FSHR: variants seen among roughly 807,000 people sequenced by gnomAD.
FSHR encodes the protein follicle stimulating hormone receptor.
Under a neutral mutation model 52.1 loss-of-function variants are expected in FSHR, and 46 were observed. The ratio of observed to expected loss-of-function variants is 0.88; its 90% CI spans 0.70 to 1.13. The LOEUF (loss-of-function observed/expected upper bound fraction) is 1.13, where lower values mean the gene tolerates loss of function less well. Ranked by LOEUF, FSHR falls within the 50% of genes most tolerant of loss-of-function variation. The pLI, the probability that FSHR is intolerant of heterozygous loss-of-function variation, is 0.00. For synonymous variants in FSHR, 399 were observed against 309.6 expected (o/e 1.29, Z -3.03); for missense variants, 964 against 834.6 (o/e 1.16, Z -1.91).
At chr2:49,100,715 C>T (rs1013191717) in intron 1 of FSHR, among the ~76,000 whole-genome samples, 5 of 152,176 alleles carry the variant, frequency 3.3e-5, no homozygotes, top group Admixed American at 3.3e-4. Flanking sequence ...TACAGCCGGG[C>T]CTTTTGTTAT....
chr2:49,133,722 T>G (rs1672381253), intron 1 of FSHR, among the ~76,000 whole-genome samples: 1 of 152,048 alleles, frequency 6.6e-6, no homozygotes, highest in Admixed American at 6.5e-5. Context: ...AAAACAGAGA[T>G]ATAGACCAAT....
At chr2:49,123,778 G>C (rs1047525037) in intron 1 of FSHR, among the ~76,000 whole-genome samples, 2 of 152,106 alleles carry the variant, frequency 1.3e-5, no homozygotes, top group Non-Finnish European at 2.9e-5. Flanking sequence ...CACTGGGAGA[G>C]GACAAAGCAA....
intron 2 of FSHR, among the ~76,000 whole-genome samples, chr2:49,058,017 G>A (rs568828365): frequency 5.9e-5 from 9 of 152,178 alleles, no homozygotes; most frequent in South Asian, 2.1e-4. Flanking sequence ...GGAAAGTACC[G>A]CAACTCAATA....
At chr2:49,061,062 G>C (rs1669270341) in intron 2 of FSHR, among the ~76,000 whole-genome samples, 1 of 152,090 alleles carries the variant, frequency 6.6e-6, no homozygotes, top group Non-Finnish European at 1.5e-5. Flanking sequence ...GATCAAGGTA[G>C]TACTGTACCT....
At chr2:48,973,683 C>A (rs867377587) in intron 8 of FSHR, among the ~76,000 whole-genome samples, 4 of 152,340 alleles carry the variant, frequency 2.6e-5, no homozygotes, top group African/African-American at 9.6e-5. Flanking sequence ...ATAAGGCTCT[C>A]GCATTCTCAG....
At chr2:49,066,107 G>C (rs1029573122) in intron 2 of FSHR, among the ~76,000 whole-genome samples, 1 of 152,106 alleles carries the variant, frequency 6.6e-6, no homozygotes, top group African/African-American at 2.4e-5. Context: ...GAAAAGAAAG[G>C]ATAGAGAGGC....
At chr2:49,011,367 A>T (rs1667264939) in intron 4 of FSHR, among the ~76,000 whole-genome samples, 1 of 151,974 alleles carries the variant, frequency 6.6e-6, no homozygotes, top group African/African-American at 2.4e-5. Context: ...CCTGAGTTCT[A>T]GTTTGATTGC....
intron 4 of FSHR, among the ~76,000 whole-genome samples, chr2:48,992,045 T>G (rs1305624972): frequency 6.6e-6 from 1 of 152,096 alleles, no homozygotes; most frequent in Admixed American, 6.5e-5. Flanking sequence ...CCTCTCTTGA[T>G]TCCCTAATGT....
intron 2 of FSHR, among the ~76,000 whole-genome samples, chr2:49,051,958 G>A (rs75926513): frequency 0.036 from 5,483 of 151,978 alleles, 260 homozygotes; most frequent in African/African-American, 0.11. Context: ...TATTCTTTCC[G>A]TATTGAATTC....
chr2:48,997,682 C>T lies in FSHR; in HGVS notation c.375-7045G>A, dbSNP rs1676085065. ...TTAGCCCCGTGACCAGGAATTGTTACTGCTGTGGTCATGCTCCAGCCTTGT... is the reference window on the plus strand; with the variant it reads ...TTAGCCCCGTGACCAGGAATTGTTATTGCTGTGGTCATGCTCCAGCCTTGT... On this transcript the variant is annotated intron_variant, in intron 4 of 9. Transcript: ENST00000406846. Among the ~76,000 whole-genome samples, 3 of 152,228 alleles carry T rather than the reference C, an allele frequency of 2.0e-5. No individual in the cohort carries two copies. In the East Asian group the frequency reaches 5.8e-4, roughly 29 times the overall value.
intron 1 of FSHR, among the ~76,000 whole-genome samples, chr2:49,140,460 C>T (rs966268766): frequency 1.3e-5 from 2 of 152,206 alleles, no homozygotes; most frequent in Non-Finnish European, 2.9e-5. Flanking sequence ...GCCTGCTGAA[C>T]TATGAGCCAA....
intron 2 of FSHR, among the ~76,000 whole-genome samples, chr2:49,049,867 A>G (rs943521838): frequency 1.3e-5 from 2 of 150,932 alleles, no homozygotes; most frequent in Admixed American, 6.6e-5. Flanking sequence ...AACCAAACCC[A>G]AATAAAAGAA....
Position 49,068,199 on chromosome 2 carries a change from C to T in FSHR, c.224+20G>A. 1 of 1,597,838 alleles carries T rather than the reference C, an allele frequency of 6.3e-7. No individual in the cohort carries two copies. Among genetic ancestry groups the T allele is most frequent in the Non-Finnish European group, 8.6e-7 (1 of 1,167,422 alleles). On this transcript the variant is annotated intron_variant, in intron 2 of 9. Transcript: ENST00000406846. ...ATAGCCCCCTTGAGGCATTCACTCA[C>T]AGCAGTGCTAGGTACATACATTTTC...
intron 2 of FSHR, among the ~76,000 whole-genome samples, chr2:49,044,652 C>G (rs1444261126): frequency 6.6e-6 from 1 of 151,996 alleles, no homozygotes; most frequent in Non-Finnish European, 1.5e-5. Context: ...TTTCCCCCAT[C>G]CCCCTCCCCC....
chr2:49,117,717 A>G (rs1443978224), intron 1 of FSHR, among the ~76,000 whole-genome samples: 3 of 151,952 alleles, frequency 2.0e-5, no homozygotes, highest in African/African-American at 7.3e-5. Flanking sequence ...TAACCTCTTC[A>G]CTCCTGCCTC....
At chr2:49,143,618 G>T (rs1672769845) in intron 1 of FSHR, among the ~76,000 whole-genome samples, 1 of 152,062 alleles carries the variant, frequency 6.6e-6, no homozygotes, top group African/African-American at 2.4e-5. Context: ...AAGGGAATTT[G>T]TTTTTTAAAT....
chr2:48,993,814 C>T (rs1457792984), intron 4 of FSHR, among the ~76,000 whole-genome samples: 1 of 152,168 alleles, frequency 6.6e-6, no homozygotes, highest in East Asian at 1.9e-4. Context: ...CTCTAGAAGG[C>T]TAACCATCCA....
At chr2:49,021,381 C>T (rs1667690550) in intron 2 of FSHR, among the ~76,000 whole-genome samples, 1 of 152,134 alleles carries the variant, frequency 6.6e-6, no homozygotes, top group Non-Finnish European at 1.5e-5. Flanking sequence ...ATTATTAGGC[C>T]TCCTGAGGAA....
At chr2:49,112,894 G>A (rs765146892) in intron 1 of FSHR, among the ~76,000 whole-genome samples, 15 of 152,114 alleles carry the variant, frequency 9.9e-5, no homozygotes, top group Non-Finnish European at 1.6e-4. Flanking sequence ...ATCCAGTCCT[G>A]AGAACTTTTA....
Sources: allele counts gnomAD v4.1 joint callset (sites outside exome capture counted in the v4.1 genomes callset), GRCh38; gene constraint gnomAD v4.1.1; transcripts MANE v1.5; gene names NCBI Gene and HGNC (gene_info 2026-07-23, HGNC 2026-07-21).